The following HYDIN variants were observed in gnomAD, a reference collection of about 807,000 sequenced individuals.
HYDIN encodes the protein axonemal central pair apparatus protein HYDIN.
In HYDIN, 132 loss-of-function variants were observed where a neutral mutation model predicts 403.9. The ratio of observed to expected loss-of-function variants is 0.33; its 90% CI spans 0.28 to 0.38. The LOEUF (loss-of-function observed/expected upper bound fraction) is 0.38. Among genes scored for constraint, HYDIN ranks in the 10% least tolerant of loss-of-function variants. The probability of loss-of-function intolerance (pLI) is 1.00; values close to 1 mark genes in which losing one functional copy is unlikely to be tolerated. For synonymous variants in HYDIN, 1,202 were observed against 1,891.7 expected (o/e 0.64, Z 9.46); for missense variants, 2,827 against 5,009.5 (o/e 0.56, Z 13.15).
chr16:71,139,062 C>A (rs1412038638), intron 7 of HYDIN, among the ~76,000 whole-genome samples: 1 of 128,118 alleles, frequency 7.8e-6, no homozygotes, highest in African/African-American at 3.1e-5. Flanking sequence ...CTACCCTGGG[C>A]AACAAGAGCA....
At chr16:71,025,940 G>A (rs1241162880) in intron 20 of HYDIN, among the ~76,000 whole-genome samples, 3 of 150,300 alleles carry the variant, frequency 2.0e-5, no homozygotes, top group East Asian at 2.0e-4. Flanking sequence ...TGCTCTTGTC[G>A]CCCAGGCTGG....
In HYDIN at chr16:70,807,972, C is replaced by T. The variant is rs866011931; in HGVS notation, c.14974G>A (p.Glu4992Lys). The T allele has an allele frequency of 6.2e-7, 1 of 1,614,090 alleles. No homozygotes were observed. The highest frequency in any genetic ancestry group is 8.5e-7 in the Non-Finnish European group (1 of 1,180,034). ...TTGGTCTCACCCAGGTGGCTGGGCTCGAATAAGACTTCCACACTGGCTTCA... is the reference window on the plus strand; with the variant it reads ...TTGGTCTCACCCAGGTGGCTGGGCTTGAATAAGACTTCCACACTGGCTTCA... ...GTEASVEVLF[E>K]PSHLGETKGI... Residue 4992 changes from glutamate (E) to lysine (K), a missense_variant, in exon 86 of 86, where the codon GAG becomes AAG. Glu to Lys is a moderately conservative substitution (Grantham distance 56, BLOSUM62 1). Coordinates refer to ENST00000393567, the MANE Select transcript of HYDIN (RefSeq NM_001270974.2).
At chr16:71,006,831 T>G (rs1348809224) in intron 23 of HYDIN, among the ~76,000 whole-genome samples, 4 of 152,178 alleles carry the variant, frequency 2.6e-5, no homozygotes, top group Admixed American at 2.6e-4. Context: ...GGGTAATATT[T>G]GCAAGGCTGA....
At chr16:70,872,371 TATCCATCC>T (rs144467788) in intron 64 of HYDIN, among the ~76,000 whole-genome samples, 192 bp from the exon 65 acceptor site, 13,902 of 136,834 alleles carry the variant, frequency 0.1, 1,090 homozygotes, top group African/African-American at 0.22. Context: ...TCCATCCATC[TATCCATCC>T]ATCCATCCAT....
chr16:70,808,045 G>A lies in HYDIN; in HGVS notation c.14901C>T (p.Phe4967=). The A allele has an allele frequency of 1.9e-6, 3 of 1,611,962 alleles. No homozygotes were observed. Among genetic ancestry groups the A allele is most frequent in the Non-Finnish European group, 2.5e-6 (3 of 1,178,780 alleles). Residue 4967 remains phenylalanine, a synonymous_variant, in exon 86 of 86, where the codon TTC becomes TTT. Transcript: ENST00000393567. The part of the protein sequence containing the change: ...EYYCRTDCTD[F]HAEKLINAAP... ...CTGCATTAATGAGTTTTTCTGCGTG[G>A]AAGTCTGTACAGTCGGTCTGAAAGG...
intron 24 of HYDIN, among the ~76,000 whole-genome samples, 180 bp from the exon 25 acceptor site, chr16:70,991,576 T>A (rs1373395448): frequency 2.6e-5 from 4 of 151,740 alleles, no homozygotes; most frequent in Non-Finnish European, 5.9e-5. Flanking sequence ...TGTTGCCCTA[T>A]GCCCCCAAAC....
intron 1 of HYDIN, among the ~76,000 whole-genome samples, chr16:71,187,371 G>T (rs956318283): frequency 6.6e-6 from 1 of 152,138 alleles, no homozygotes; most frequent in Non-Finnish European, 1.5e-5. Context: ...AGATAAGACA[G>T]GCAAAGGAAA....
intron 18 of HYDIN, among the ~76,000 whole-genome samples, chr16:71,039,198 G>C (rs899685769): frequency 6.6e-6 from 1 of 151,784 alleles, no homozygotes; most frequent in African/African-American, 2.4e-5. Context: ...TCTAGGTTTC[G>C]GTTTCCTTTT....
intron 71 of HYDIN, among the ~76,000 whole-genome samples, chr16:70,859,319 A>G (rs1441202370): frequency 6.6e-6 from 1 of 151,944 alleles, no homozygotes; most frequent in East Asian, 1.9e-4. Flanking sequence ...AAACAAAAAA[A>G]AGAAATTTGG....
chr16:70,980,659 G>A (rs940776424), intron 29 of HYDIN, among the ~76,000 whole-genome samples: 1 of 151,752 alleles, frequency 6.6e-6, no homozygotes, highest in African/African-American at 2.4e-5. Flanking sequence ...AACAGGAAAG[G>A]CTGGGTGGGA....
At chr16:70,842,798 C>T (rs1798509) in intron 75 of HYDIN, among the ~76,000 whole-genome samples, 33,879 of 151,476 alleles carry the variant, frequency 0.22, 6,654 homozygotes, top group African/African-American at 0.54. Flanking sequence ...TTAAACAAAT[C>T]ACTAGTCAAT....
intron 1 of HYDIN, among the ~76,000 whole-genome samples, chr16:71,203,472 T>C (rs924079726): frequency 6.6e-6 from 1 of 152,214 alleles, no homozygotes; most frequent in Admixed American, 6.5e-5. Flanking sequence ...TGAATTGCTA[T>C]TTCCAAGCAA....
intron 14 of HYDIN, among the ~76,000 whole-genome samples, chr16:71,068,662 G>A (rs2082353519): frequency 6.6e-6 from 1 of 152,022 alleles, no homozygotes; most frequent in Admixed American, 6.6e-5. Context: ...AATTCCACTG[G>A]TGGCACTGTG....
chr16:70,809,256 T>C (rs943057075), intron 85 of HYDIN, among the ~76,000 whole-genome samples: 7 of 152,190 alleles, frequency 4.6e-5, no homozygotes, highest in African/African-American at 1.7e-4. Flanking sequence ...TTCCAACTGA[T>C]GTAACAGCTA....
chr16:71,163,344 T>C (rs4258623), intron 5 of HYDIN, among the ~76,000 whole-genome samples: 61,262 of 151,634 alleles, frequency 0.4, 13,180 homozygotes, highest in East Asian at 0.57. Flanking sequence ...GGATGGGTCT[T>C]GATATCCTGA....
At chr16:71,114,549 G>T (rs1054194327) in intron 10 of HYDIN, among the ~76,000 whole-genome samples, 1 of 151,874 alleles carries the variant, frequency 6.6e-6, no homozygotes, top group African/African-American at 2.4e-5. Context: ...GGTGATTGGT[G>T]TGCTCACTGC....
intron 18 of HYDIN, among the ~76,000 whole-genome samples, chr16:71,053,254 GA>G (rs2081727748): frequency 6.6e-6 from 1 of 152,044 alleles, no homozygotes; most frequent in Non-Finnish European, 1.5e-5. Flanking sequence ...TCACTTTGGA[GA>G]GTAATTTGGC....
At chr16:71,113,383 T>G (rs533502770) in intron 10 of HYDIN, 1 of 151,792 alleles carries the variant, frequency 6.6e-6, no homozygotes, top group Admixed American at 6.6e-5. Context: ...GCATTGGCAT[T>G]TAAACACAAT....
intron 12 of HYDIN, among the ~76,000 whole-genome samples, chr16:71,085,895 T>C (rs1055050203): frequency 1.7e-4 from 26 of 152,086 alleles, no homozygotes; most frequent in Non-Finnish European, 3.1e-4. Context: ...AAGATAGATA[T>C]CTTGTAAAAA....
Sources: gnomAD v4.1 joint callset for allele counts (sites outside exome capture counted in the v4.1 genomes callset) on GRCh38, gnomAD v4.1.1 for gene constraint, MANE v1.5 for transcripts, NCBI Gene and HGNC (gene_info 2026-07-23, HGNC 2026-07-21) for gene names.